The following SNTG1 variants were observed in gnomAD, a reference collection of about 807,000 sequenced individuals.
SNTG1 encodes gamma-1-syntrophin.
A neutral mutation model predicts 74.7 loss-of-function variants in SNTG1; 39 were observed. That is an observed-to-expected ratio of 0.52 (90% confidence interval 0.40 to 0.68). SNTG1 has a LOEUF of 0.68. Ranked by LOEUF, SNTG1 falls within the 30% of genes least tolerant of loss-of-function variation. SNTG1 has a pLI of 0.00. For synonymous variants in SNTG1, 254 were observed against 217.1 expected, an observed-to-expected ratio of 1.17 and a Z score of -1.49; for missense variants, 685 against 609.5, an observed-to-expected ratio of 1.12 and a Z score of -1.30.
chr8:50,768,546 G>T (rs940509024), intron 18 of SNTG1, among the ~76,000 whole-genome samples: 4 of 152,012 alleles, frequency 2.6e-5, no homozygotes, highest in African/African-American at 4.8e-5. Context: ...AGGCTGGGTA[G>T]GTATTTGGGA....
chr8:50,758,466 C>T (rs1348024092), intron 18 of SNTG1, among the ~76,000 whole-genome samples: 1 of 151,938 alleles, frequency 6.6e-6, no homozygotes, highest in African/African-American at 2.4e-5. Flanking sequence ...GCTATCCCTT[C>T]CCTGCCCCAC....
Position 50,536,755 on chromosome 8 carries a change from C to T in SNTG1, c.627C>T (p.Ile209=), listed in dbSNP as rs2130402637. The part of the protein sequence containing the change: ...WEKRWCDLRL[I]PLLHSRFSQY... ...AGCGATGGTGCGACCTCAGACTGAT[C>T]CCTCTACTTCATTCGCGCTTCTCTC... The change falls in exon 11 of 19, where the codon ATC becomes ATT. Residue 209 remains isoleucine (I), a synonymous_variant. Transcript: ENST00000642720. 6.2e-7 allele frequency: 1 copy of T among 1,614,000 alleles called. No homozygotes were observed.
chr8:50,398,654 C>G (rs898375561), intron 3 of SNTG1, among the ~76,000 whole-genome samples: 49 of 152,158 alleles, frequency 3.2e-4, no homozygotes, highest in Non-Finnish European at 1.3e-4. Context: ...AGGCCGAGCG[C>G]GGTGGCTCAC....
chr8:50,358,178 C>T (rs187776639), intron 2 of SNTG1, among the ~76,000 whole-genome samples: 15 of 152,270 alleles, frequency 9.9e-5, no homozygotes, highest in Admixed American at 1.3e-4. Context: ...CCCATAGGCT[C>T]TTTTCAGAAG....
Position 50,236,854 on chromosome 8 carries a change from TTGTTTCTTCCTCC to T in SNTG1, c.-28+64223_-28+64235del, listed in dbSNP as rs373558679. The stretch of plus-strand genomic sequence containing the variant: ...AAGAAATGTCAACATGTTGTCAGTT[TTGTTTCTTCCTCC>T]TGTACTTTCTCTGGGTTATTTGGAA... On this transcript the variant is annotated intron_variant, in intron 2 of 18. Coordinates refer to ENST00000642720, the MANE Select transcript of SNTG1 (RefSeq NM_018967.5). Among the ~76,000 whole-genome samples the T allele has an allele frequency of 2.8e-3, 425 of 152,300 alleles. 4 individuals are homozygous for T. The highest frequency in any genetic ancestry group is 9.5e-3 in the African/African-American group (394 of 41,578).
rs138262840 is a variant in SNTG1 at position 50,450,727 on chromosome 8, G to C, written c.361G>C (p.Val121Leu). 2,980 of 1,612,744 alleles carry C rather than the reference G, an allele frequency of 1.8e-3. 1 individual carries two copies. The highest frequency in any genetic ancestry group is 5.1e-3 in the Middle Eastern group (29 of 5,724). Residue 121 changes from valine to leucine, a missense_variant and splice_region_variant, in exon 8 of 19, where the codon GTG (valine) becomes CTG (leucine). By Grantham distance (32) the Val-to-Leu change is conservative (BLOSUM62 1). Coordinates refer to ENST00000642720, the MANE Select transcript of SNTG1 (RefSeq NM_018967.5). ...TGTGAGAAAATGTAGACATGAAGAA[G>C]TGGTGAGTTTACTTTTTCCTAATGT... ...INVRKCRHEE[V>L]VQVLRNAGEE...
chr8:50,373,211 A>G (rs2131165781), intron 2 of SNTG1, among the ~76,000 whole-genome samples: 1 of 152,342 alleles, frequency 6.6e-6, no homozygotes, highest in African/African-American at 2.4e-5. Flanking sequence ...ATAAAGATAA[A>G]CAAATTGTAA....
intron 1 of SNTG1, among the ~76,000 whole-genome samples, chr8:50,167,309 T>C (rs903254467): frequency 1.4e-5 from 2 of 140,004 alleles, no homozygotes; most frequent in African/African-American, 2.7e-5. Context: ...AGATTAAAAA[T>C]AAAAAAAATA....
intron 1 of SNTG1, among the ~76,000 whole-genome samples, chr8:50,148,927 C>G (rs2081968180): frequency 6.6e-6 from 1 of 152,162 alleles, no homozygotes; most frequent in Non-Finnish European, 1.5e-5. Flanking sequence ...AATGGGATGG[C>G]TGGGTGAAAT....
rs906442989 is a variant in SNTG1 at position 50,462,437 on chromosome 8, G to T, written c.363+11708G>T. Among the ~76,000 whole-genome samples the T allele has an allele frequency of 3.7e-5, 5 of 136,456 alleles. 1 individual carries two copies. The highest frequency in any genetic ancestry group is 6.6e-5 in the Non-Finnish European group (4 of 60,722). The allele number at this position is 136,456 out of a possible 152,430, so 89.5% of individuals were successfully genotyped here. Reference sequence around the variant, plus strand: ...TGACTACTGACTGATTAGAGTAGTGGTTACTGAAGGTTGGGGTGGCTGGGG... The same window carrying T: ...TGACTACTGACTGATTAGAGTAGTGTTTACTGAAGGTTGGGGTGGCTGGGG... On this transcript the variant is annotated intron_variant, in intron 8 of 18. Coordinates refer to ENST00000642720, the MANE Select transcript of SNTG1 (RefSeq NM_018967.5).
intron 2 of SNTG1, among the ~76,000 whole-genome samples, chr8:50,255,790 C>A (rs1438849889): frequency 1.3e-5 from 2 of 152,164 alleles, no homozygotes; most frequent in African/African-American, 4.8e-5. Flanking sequence ...TATTTCCCCC[C>A]AAAATGTCAC....
intron 18 of SNTG1, among the ~76,000 whole-genome samples, chr8:50,766,011 A>G (rs2095612565): frequency 6.6e-6 from 1 of 152,094 alleles, no homozygotes; most frequent in East Asian, 2.0e-4. Flanking sequence ...TAAACCTCAA[A>G]TGTTAAATAT....
chr8:50,193,387 T>G (rs1184259649), intron 2 of SNTG1, among the ~76,000 whole-genome samples: 2 of 151,900 alleles, frequency 1.3e-5, no homozygotes, highest in African/African-American at 4.8e-5. Flanking sequence ...ATTCCCAAGT[T>G]GTTTTTTTGT....
chr8:50,569,823 T>C (rs2094536973), intron 12 of SNTG1, among the ~76,000 whole-genome samples: 1 of 152,268 alleles, frequency 6.6e-6, no homozygotes, highest in East Asian at 1.9e-4. Flanking sequence ...TGCATTGTTA[T>C]TCTTTATCCA....
At chr8:50,380,436 G>A (rs774598374) in intron 2 of SNTG1, among the ~76,000 whole-genome samples, 1 of 152,152 alleles carries the variant, frequency 6.6e-6, no homozygotes, top group Non-Finnish European at 1.5e-5. Flanking sequence ...TTTGCCTAGA[G>A]CAAACTCTAT....
At chr8:50,603,322 T>C (rs78316868) in intron 13 of SNTG1, among the ~76,000 whole-genome samples, 1 of 152,208 alleles carries the variant, frequency 6.6e-6, no homozygotes, top group Non-Finnish European at 1.5e-5. Flanking sequence ...GTAGGTCAGT[T>C]GCATTTTTCA....
At chr8:50,624,066 G>T (rs2131063482) in intron 13 of SNTG1, among the ~76,000 whole-genome samples, 1 of 151,902 alleles carries the variant, frequency 6.6e-6, no homozygotes, top group Admixed American at 6.6e-5. Context: ...TTTGTGTTTG[G>T]TGGTATGGAT....
At chr8:50,086,909 T>G (rs1027782395) in intron 1 of SNTG1, among the ~76,000 whole-genome samples, 1 of 152,064 alleles carries the variant, frequency 6.6e-6, no homozygotes, top group Non-Finnish European at 1.5e-5. Flanking sequence ...GAAATAAAGG[T>G]TTTTTAAACA....
At chr8:50,059,713 A>G (rs968448244) in intron 1 of SNTG1, among the ~76,000 whole-genome samples, 1 of 152,128 alleles carries the variant, frequency 6.6e-6, no homozygotes, top group Non-Finnish European at 1.5e-5. Context: ...CTATATGACT[A>G]TATCATATTT....
Sources: allele counts gnomAD v4.1 joint callset (sites outside exome capture counted in the v4.1 genomes callset), GRCh38; gene constraint gnomAD v4.1.1; transcripts MANE v1.5; gene names NCBI Gene and HGNC (gene_info 2026-07-23, HGNC 2026-07-21).